Variants in CNTNAP2 observed in about 807,000 individuals in gnomAD.
The protein encoded by CNTNAP2 is contactin-associated protein-like 2.
Under a neutral mutation model 155.2 loss-of-function variants are expected in CNTNAP2, and 98 were observed. That is an observed-to-expected ratio of 0.63 (90% CI 0.54 to 0.75). The LOEUF (loss-of-function observed/expected upper bound fraction) is 0.75, where lower values mean the gene tolerates loss of function less well. Ranked by LOEUF, CNTNAP2 falls within the 30% of genes least tolerant of loss-of-function variation. The pLI is 0.00. For missense variants in CNTNAP2, 1,727 were observed against 1,688.1 expected (o/e 1.02, Z -0.40); for synonymous variants, 651 against 631.2 (o/e 1.03, Z -0.47).
At chr7:146,731,405 T>A (rs1312585915) in intron 1 of CNTNAP2, among the ~76,000 whole-genome samples, 1 of 151,814 alleles carries the variant, frequency 6.6e-6, no homozygotes, top group Admixed American at 6.6e-5. Context: ...ATTTGCTTAA[T>A]ATTTTTATAT....
intron 8 of CNTNAP2, among the ~76,000 whole-genome samples, chr7:147,257,593 G>C (rs1234753821): frequency 6.6e-6 from 1 of 152,282 alleles, no homozygotes; most frequent in East Asian, 1.9e-4. Flanking sequence ...CCAAAACTAC[G>C]GTACCGCCAT....
At chr7:147,581,136 A>T (rs1488383182) in intron 12 of CNTNAP2, among the ~76,000 whole-genome samples, 1 of 152,216 alleles carries the variant, frequency 6.6e-6, no homozygotes, top group Admixed American at 6.5e-5. Flanking sequence ...GTCAACCATT[A>T]TTAAGCAGGA....
intron 15 of CNTNAP2, among the ~76,000 whole-genome samples, chr7:147,983,017 C>CA (rs35946958): frequency 0.45 from 36,454 of 80,548 alleles, 7,275 homozygotes; most frequent in East Asian, 0.6. Context: ...GACTCCACCT[C>CA]AAAAAAAAAA....
chr7:147,931,221 A>G (rs192773975), intron 14 of CNTNAP2, among the ~76,000 whole-genome samples: 4 of 151,870 alleles, frequency 2.6e-5, no homozygotes, highest in East Asian at 1.9e-4. Context: ...AAAAAAATAG[A>G]AAAACTTGAA....
intron 13 of CNTNAP2, among the ~76,000 whole-genome samples, chr7:147,826,895 G>T (rs941103887): frequency 6.6e-6 from 1 of 151,080 alleles, no homozygotes; most frequent in African/African-American, 2.4e-5. Flanking sequence ...ATATCATTAA[G>T]TGGATATCCC....
intron 8 of CNTNAP2, among the ~76,000 whole-genome samples, chr7:147,247,105 C>A (rs1455534755): frequency 6.6e-6 from 1 of 152,028 alleles, no homozygotes; most frequent in Non-Finnish European, 1.5e-5. Flanking sequence ...AGAAAGAGTG[C>A]TTCTATTTTT....
chr7:146,838,853 A>G (rs1803666734), intron 2 of CNTNAP2, among the ~76,000 whole-genome samples: 1 of 152,144 alleles, frequency 6.6e-6, no homozygotes, highest in South Asian at 2.1e-4. Flanking sequence ...GAATATTTTT[A>G]TATCATTCTC....
At chr7:147,486,997 C>T (rs1180538929) in intron 11 of CNTNAP2, among the ~76,000 whole-genome samples, 3 of 151,978 alleles carry the variant, frequency 2.0e-5, no homozygotes, top group Non-Finnish European at 4.4e-5. Context: ...TATCTAAATC[C>T]TCCGATTATA....
chr7:147,616,468 T>C (rs1171163204), intron 12 of CNTNAP2, among the ~76,000 whole-genome samples: 1 of 152,222 alleles, frequency 6.6e-6, no homozygotes, highest in African/African-American at 2.4e-5. Flanking sequence ...TTGTCTTATA[T>C]CATTTCCTAC....
At chr7:147,826,687 A>G (rs1798455976) in intron 13 of CNTNAP2, among the ~76,000 whole-genome samples, 1 of 152,192 alleles carries the variant, frequency 6.6e-6, no homozygotes, top group Non-Finnish European at 1.5e-5. Flanking sequence ...TATAAACAGC[A>G]AGCTATTTCA....
At chr7:148,095,715 G>GGGAAAAATAAT (rs1803951361) in intron 15 of CNTNAP2, among the ~76,000 whole-genome samples, 1 of 152,174 alleles carries the variant, frequency 6.6e-6, no homozygotes, top group Non-Finnish European at 1.5e-5. Flanking sequence ...AGCACCATCG[G>GGGAAAAATAAT]GGAAAAATAA....
chr7:146,441,480 A>C (rs971925434), intron 1 of CNTNAP2, among the ~76,000 whole-genome samples: 1 of 151,412 alleles, frequency 6.6e-6, no homozygotes, highest in Admixed American at 6.6e-5. Context: ...CTTTCATTTA[A>C]AGTGGCCCTC....
At chr7:147,983,384 A>G in intron 15 of CNTNAP2, among the ~76,000 whole-genome samples, 1 of 151,994 alleles carries the variant, frequency 6.6e-6, no homozygotes, top group East Asian at 1.9e-4. Flanking sequence ...CTTTCGATTC[A>G]TTTTCTCTCT....
intron 9 of CNTNAP2, among the ~76,000 whole-genome samples, chr7:147,359,852 T>G (rs759838923): frequency 1.3e-4 from 20 of 152,110 alleles, no homozygotes; most frequent in Non-Finnish European, 2.6e-4. Flanking sequence ...TTCTACTAAT[T>G]TAATTATTTT....
At chr7:147,265,817 T>C (rs562408727) in intron 8 of CNTNAP2, among the ~76,000 whole-genome samples, 8 of 152,072 alleles carry the variant, frequency 5.3e-5, no homozygotes, top group African/African-American at 1.2e-4. Context: ...CAGGAAGCCA[T>C]CTTTGCCTCC....
chr7:147,469,425 AG>A (rs1171195244), intron 10 of CNTNAP2, among the ~76,000 whole-genome samples: 1 of 151,960 alleles, frequency 6.6e-6, no homozygotes, highest in Non-Finnish European at 1.5e-5. Context: ...CAGTGAACAA[AG>A]ATGCATGCCT....
intron 3 of CNTNAP2, among the ~76,000 whole-genome samples, chr7:146,925,610 G>A (rs1295319486): frequency 3.3e-5 from 5 of 152,096 alleles, no homozygotes; most frequent in Non-Finnish European, 5.9e-5. Flanking sequence ...AGAAGGCGGG[G>A]ATGCTAACTG....
At chr7:147,876,182 C>G (rs1026992876) in intron 13 of CNTNAP2, among the ~76,000 whole-genome samples, 1 of 152,176 alleles carries the variant, frequency 6.6e-6, no homozygotes, top group Non-Finnish European at 1.5e-5. Context: ...CTCTCCCTGT[C>G]TCTCTGTCCT....
chr7:147,633,446 A>G, intron 12 of CNTNAP2, among the ~76,000 whole-genome samples: 1 of 152,124 alleles, frequency 6.6e-6, no homozygotes, highest in African/African-American at 2.4e-5. Context: ...TTTGGACTTG[A>G]GCCTTTGGGT....
Sources: gnomAD v4.1 joint callset for allele counts (sites outside exome capture counted in the v4.1 genomes callset) on GRCh38, gnomAD v4.1.1 for gene constraint, MANE v1.5 for transcripts, NCBI Gene and HGNC (gene_info 2026-07-23, HGNC 2026-07-21) for gene names.